FAM174B: variants seen among roughly 807,000 people sequenced by gnomAD.
FAM174B encodes the protein membrane protein FAM174B.
FAM174B carries 12 observed loss-of-function variants against 10.9 expected under a neutral mutation model. The ratio of observed to expected loss-of-function variants is 1.10; its 90% confidence interval spans 0.71 to 1.79. The LOEUF (loss-of-function observed/expected upper bound fraction) is 1.79, where lower values mean the gene tolerates loss of function less well. Ranked by LOEUF, FAM174B falls within the 40% of genes most tolerant of loss-of-function variation. The probability of loss-of-function intolerance (pLI) is 0.00; values close to 1 mark genes in which losing one functional copy is unlikely to be tolerated. For synonymous variants in FAM174B, 132 were observed against 115.8 expected, an observed-to-expected ratio of 1.14 and a Z score of -0.90; for missense variants, 266 against 233.3, an observed-to-expected ratio of 1.14 and a Z score of -0.91.
chr15:92,652,471 T>A (rs1183943627), intron 1 of FAM174B, among the ~76,000 whole-genome samples: 2 of 152,000 alleles, frequency 1.3e-5, no homozygotes, highest in African/African-American at 4.8e-5. Flanking sequence ...AGAGCCGAGA[T>A]GGGGGCTCAG....
intron 1 of FAM174B, among the ~76,000 whole-genome samples, chr15:92,640,656 T>A (rs28715520): frequency 0.022 from 3,322 of 151,850 alleles, 132 homozygotes; most frequent in African/African-American, 0.077. Context: ...TTTTGGTTTT[T>A]GTTTTTTTTT....
intron 1 of FAM174B, among the ~76,000 whole-genome samples, chr15:92,637,648 G>C (rs2050864594): frequency 6.6e-6 from 1 of 152,166 alleles, no homozygotes; most frequent in African/African-American, 2.4e-5. Flanking sequence ...TAGAAACAAT[G>C]AACCACACAC....
rs1438393655 is a variant in FAM174B, at chr15:92,630,822, CATATTAT to C, written c.345-484_345-478del. Among the ~76,000 whole-genome samples the C allele has an allele frequency of 8.1e-5, 2 of 24,694 alleles. 1 individual carries two copies. The highest frequency in any genetic ancestry group is 1.6e-4 in the African/African-American group (2 of 12,492). 16.2% of individuals were successfully genotyped at this position (24,694 alleles called of 152,430 possible). ...CATATTATATATATTTTATATATTA[CATATTAT>C]ATATTATATATATTACATATTACAT... On this transcript the variant is annotated intron_variant, in intron 1 of 2. Transcript: ENST00000327355.
intron 1 of FAM174B, among the ~76,000 whole-genome samples, chr15:92,634,017 A>G (rs551849413): frequency 1.3e-4 from 20 of 152,236 alleles, no homozygotes; most frequent in Non-Finnish European, 2.8e-4. Flanking sequence ...CGCCTTTCTC[A>G]GAAAGACAGC....
At chr15:92,644,888 GT>G (rs1423295468) in intron 1 of FAM174B, among the ~76,000 whole-genome samples, 1 of 152,214 alleles carries the variant, frequency 6.6e-6, no homozygotes, top group Non-Finnish European at 1.5e-5. Flanking sequence ...ATCCCCACCT[GT>G]CAAAAGAAGG....
At chr15:92,644,770 T>C (rs946585355) in intron 1 of FAM174B, among the ~76,000 whole-genome samples, 1 of 152,218 alleles carries the variant, frequency 6.6e-6, no homozygotes, top group Admixed American at 6.5e-5. Context: ...ATACTCTGTC[T>C]TCAAGTCAAA....
rs2050689760 is a variant in FAM174B at position 92,617,882 on chromosome 15, G to C, written c.*1574C>G. ...ACTACACGCAGGCCCCCCGTGGCTG[G>C]CAATACCATGCGTGCTGGGCCGGCT... On this transcript the variant is annotated 3_prime_UTR_variant, in exon 3 of 3. Transcript: ENST00000327355. 1 of 454,738 alleles carries C rather than the reference G, an allele frequency of 2.2e-6. No homozygotes were observed. The highest frequency in any genetic ancestry group is 3.9e-6 in the Non-Finnish European group (1 of 259,702). The allele number at this position is 454,738 out of a possible 1,614,324, so 28.2% of individuals were successfully genotyped here.
intron 2 of FAM174B, chr15:92,627,318 C>T (rs2050759766): frequency 6.0e-6 from 1 of 166,968 alleles, no homozygotes; most frequent in African/African-American, 2.4e-5. Context: ...GTTTGTTTCA[C>T]AGCCAGCAGC....
chr15:92,648,882 T>A (rs2050946557), intron 1 of FAM174B, among the ~76,000 whole-genome samples: 1 of 152,258 alleles, frequency 6.6e-6, no homozygotes, highest in Non-Finnish European at 1.5e-5. Flanking sequence ...AGTTTATTTT[T>A]TAAGTGAAAC....
At chr15:92,619,643 TC>T (rs1030039492) in intron 2 of FAM174B, 184 bp from the exon 3 acceptor site, 4 of 633,628 alleles carry the variant, frequency 6.3e-6, no homozygotes, top group African/African-American at 1.9e-5. Flanking sequence ...ACCCCCTCCC[TC>T]CCCACAGTTC....
intron 1 of FAM174B, among the ~76,000 whole-genome samples, chr15:92,643,918 G>T (rs2050908749): frequency 6.6e-6 from 1 of 152,192 alleles, no homozygotes; most frequent in African/African-American, 2.4e-5. Context: ...TGGATCATGG[G>T]AGAGGAAGAC....
At position 92,617,791 on chromosome 15, in the gene FAM174B, T is replaced by C. The variant is rs1375810866; in HGVS notation, c.*1665A>G. The C allele has an allele frequency of 3.8e-6, 2 of 522,302 alleles. No homozygotes were observed. Among genetic ancestry groups the C allele is most frequent in the Non-Finnish European group, 6.8e-6 (2 of 296,210 alleles). The allele number at this position is 522,302 out of a possible 1,614,324, so 32.4% of individuals were successfully genotyped here. A position where few individuals can be genotyped will look rare whatever the true frequency, so the allele number is the denominator to read the frequency against. The stretch of plus-strand genomic sequence containing the variant: ...TGTTCTGTTGCCAGTCCCACCCCTC[T>C]GGCAAACAGATGGGGGAAAACAGAG... On this transcript the variant is annotated 3_prime_UTR_variant, in exon 3 of 3. Coordinates refer to ENST00000327355, the MANE Select transcript of FAM174B (RefSeq NM_207446.3).
In FAM174B at chr15:92,635,325, C is replaced by G. The variant is rs185440193; in HGVS notation, c.345-4980G>C. On this transcript the variant is annotated intron_variant, in intron 1 of 2. Coordinates refer to ENST00000327355, the MANE Select transcript of FAM174B (RefSeq NM_207446.3). The stretch of plus-strand genomic sequence containing the variant: ...AATTACATTTCAAACAATCAACTCT[C>G]TGAAACACAACTCTCTTTACAAAAG... Among the ~76,000 whole-genome samples the G allele has an allele frequency of 2.6e-5, 4 of 152,304 alleles. No homozygotes were observed. The East Asian group carries it at 5.8e-4, about 22-fold the overall frequency.
At chr15:92,627,278 A>G (rs2050759525) in intron 2 of FAM174B, 1 of 158,706 alleles carries the variant, frequency 6.3e-6, no homozygotes, top group South Asian at 2.0e-4. Context: ...TAACTTTAAC[A>G]CCTACCAGGT....
At chr15:92,644,260 A>G (rs1226509249) in intron 1 of FAM174B, among the ~76,000 whole-genome samples, 1 of 151,974 alleles carries the variant, frequency 6.6e-6, no homozygotes, top group East Asian at 1.9e-4. Flanking sequence ...ATTCCCAATA[A>G]CCAGCCTACC....
rs147947432 is a variant in FAM174B at position 92,625,663 on chromosome 15, T to C, written c.476+4551A>G. On this transcript the variant is annotated intron_variant, in intron 2 of 2. Coordinates refer to ENST00000327355, the MANE Select transcript of FAM174B (RefSeq NM_207446.3). ...AACAGCATGTATAATACAGTCTTATTTCTATAAAAAACAAAGTTTCACATC... is the reference window on the plus strand; with the variant it reads ...AACAGCATGTATAATACAGTCTTATCTCTATAAAAAACAAAGTTTCACATC... Among the ~76,000 whole-genome samples the C allele has an allele frequency of 2.7e-3, 413 of 152,344 alleles. 1 individual carries two copies. The highest frequency in any genetic ancestry group is 9.6e-3 in the African/African-American group (399 of 41,580).
intron 2 of FAM174B, 23 bp downstream of exon 2, chr15:92,630,191 A>G (rs1173206999): frequency 1.2e-6 from 2 of 1,610,470 alleles, no homozygotes; most frequent in Admixed American, 3.3e-5. Flanking sequence ...GCCCAGGAGG[A>G]AGCCTCTGTC....
chr15:92,644,083 GC>G (rs772331675), intron 1 of FAM174B, among the ~76,000 whole-genome samples: 49 of 152,098 alleles, frequency 3.2e-4, no homozygotes, highest in Middle Eastern at 6.8e-3. Flanking sequence ...AAGTAACAGA[GC>G]TTCCCCCAGA....
intron 1 of FAM174B, among the ~76,000 whole-genome samples, chr15:92,649,124 A>G (rs2050947993): frequency 1.3e-5 from 2 of 152,216 alleles, no homozygotes; most frequent in Admixed American, 6.5e-5. Flanking sequence ...GTGTCTCAAG[A>G]AGAACCTGCA....
Sources: gnomAD v4.1 joint callset for allele counts (sites outside exome capture counted in the v4.1 genomes callset) on GRCh38, gnomAD v4.1.1 for gene constraint, MANE v1.5 for transcripts, NCBI Gene and HGNC (gene_info 2026-07-23, HGNC 2026-07-21) for gene names.